GLRA3: variants seen among roughly 807,000 people sequenced by gnomAD.
The protein encoded by GLRA3 is glycine receptor subunit alpha-3.
In GLRA3, 44 loss-of-function variants were observed where a neutral mutation model predicts 60.4. The observed-to-expected ratio is 0.73, with a 90% confidence interval of 0.57 to 0.94. The LOEUF (loss-of-function observed/expected upper bound fraction) is 0.94. GLRA3 is among the 40% of genes least tolerant of loss of function. GLRA3 has a pLI of 0.00. For synonymous variants in GLRA3, 223 were observed against 192.9 expected, an observed-to-expected ratio of 1.16 and a Z score of -1.29; for missense variants, 508 against 564.6, an observed-to-expected ratio of 0.90 and a Z score of 1.02.
chr4:174,820,008 A>T (rs1158439626), intron 1 of GLRA3, among the ~76,000 whole-genome samples: 2 of 152,256 alleles, frequency 1.3e-5, no homozygotes, highest in African/African-American at 4.8e-5. Context: ...TACAACTATT[A>T]TGGTATGAAG....
At chr4:174,825,426 C>T (rs935873467) in intron 1 of GLRA3, among the ~76,000 whole-genome samples, 3 of 152,032 alleles carry the variant, frequency 2.0e-5, no homozygotes, top group African/African-American at 7.2e-5. Context: ...CTGAAATTCA[C>T]ACATTCAAGT....
At chr4:174,775,084 T>C (rs917232541) in intron 2 of GLRA3, among the ~76,000 whole-genome samples, 5 of 152,180 alleles carry the variant, frequency 3.3e-5, no homozygotes, top group African/African-American at 1.2e-4. Flanking sequence ...GGGTTTAGAA[T>C]CTAACCCCAT....
chr4:174,811,854 C>T (rs189581268), intron 1 of GLRA3, among the ~76,000 whole-genome samples: 48 of 152,184 alleles, frequency 3.2e-4, no homozygotes, highest in Non-Finnish European at 6.0e-4. Flanking sequence ...ACCAAAAGGT[C>T]ACTGAGCATG....
chr4:174,711,248 T>C (rs1735707641), intron 5 of GLRA3, among the ~76,000 whole-genome samples: 1 of 151,642 alleles, frequency 6.6e-6, no homozygotes, highest in Non-Finnish European at 1.5e-5. Context: ...AATGTTTCCA[T>C]ATGCTGAAAA....
chr4:174,645,420 CAAAAA>C (rs201216075), intron 9 of GLRA3, among the ~76,000 whole-genome samples: 1 of 76,130 alleles, frequency 1.3e-5, no homozygotes. Flanking sequence ...ACTCCGTCTC[CAAAAA>C]AAAAAAAAAA....
chr4:174,702,546 A>G (rs1735360450), intron 5 of GLRA3, among the ~76,000 whole-genome samples: 2 of 149,048 alleles, frequency 1.3e-5, no homozygotes, highest in African/African-American at 5.0e-5. Flanking sequence ...GGTGAGTTAG[A>G]AAAAAAAAAT....
intron 1 of GLRA3, among the ~76,000 whole-genome samples, chr4:174,823,956 A>G (rs1379501684): frequency 6.6e-6 from 1 of 152,274 alleles, no homozygotes; most frequent in East Asian, 1.9e-4. Flanking sequence ...GTACTTTTCC[A>G]TGTTCTGTTC....
At chr4:174,816,869 T>C (rs1042324597) in intron 1 of GLRA3, among the ~76,000 whole-genome samples, 1 of 152,226 alleles carries the variant, frequency 6.6e-6, no homozygotes, top group African/African-American at 2.4e-5. Context: ...AGCAGGTATA[T>C]ATATTTATGG....
At chr4:174,726,061 G>A (rs771802888) in intron 4 of GLRA3, among the ~76,000 whole-genome samples, 1 of 152,206 alleles carries the variant, frequency 6.6e-6, no homozygotes, top group Non-Finnish European at 1.5e-5. Context: ...CCGCCTTATT[G>A]CTGGATGTCC....
intron 1 of GLRA3, among the ~76,000 whole-genome samples, chr4:174,794,787 T>C (rs1739495979): frequency 6.6e-6 from 1 of 152,116 alleles, no homozygotes; most frequent in Admixed American, 6.5e-5. Flanking sequence ...ATTGGTTCTG[T>C]AAAAATTCTA....
chr4:174,686,540 A>T (rs977943281), intron 5 of GLRA3, among the ~76,000 whole-genome samples: 5 of 152,238 alleles, frequency 3.3e-5, no homozygotes, highest in Non-Finnish European at 1.5e-5. Flanking sequence ...CCAAATAGTT[A>T]CTTATTGAGT....
chr4:174,775,508 T>C (rs533653936), intron 2 of GLRA3, among the ~76,000 whole-genome samples: 5 of 152,152 alleles, frequency 3.3e-5, no homozygotes, highest in East Asian at 3.9e-4. Context: ...AGAGTGGCCA[T>C]TGGAGATAAC....
chr4:174,643,142 G>A lies in GLRA3; in HGVS notation c.*644C>T, dbSNP rs1313702365. The A allele has an allele frequency of 1.2e-5, 10 of 868,802 alleles. No homozygotes were observed. Among genetic ancestry groups the A allele is most frequent in the Non-Finnish European group, 1.4e-5 (10 of 724,606 alleles). The allele number at this position is 868,802 out of a possible 1,614,324, so 53.8% of individuals were successfully genotyped here. A position where few individuals can be genotyped will look rare whatever the true frequency, so the allele number is the denominator to read the frequency against. On this transcript the variant is annotated 3_prime_UTR_variant, in exon 10 of 10. Coordinates refer to ENST00000274093, the MANE Select transcript of GLRA3 (RefSeq NM_006529.4). ...GAAAAGTAGATTGTGACTGTAACAC[G>A]ATCTCTTGTTATTTGTTTTAAATTT... is the stretch of plus-strand genomic sequence containing the variant.
chr4:174,671,070 A>T (rs2110932044), intron 7 of GLRA3, among the ~76,000 whole-genome samples: 1 of 152,190 alleles, frequency 6.6e-6, no homozygotes, highest in African/African-American at 2.4e-5. Context: ...ATGAACATTT[A>T]AAAAATTTAG....
rs549726067 is a variant in GLRA3, at chr4:174,822,142, T to C, written c.71+6599A>G. ...ATATCACAGGTTCTCCTCTCCACAG[T>C]GATACAGTGTTAAAAGTTGGGGTTT... On this transcript the variant is annotated intron_variant, in intron 1 of 9. Coordinates refer to ENST00000274093, the MANE Select transcript of GLRA3 (RefSeq NM_006529.4). Among the ~76,000 whole-genome samples the C allele has an allele frequency of 1.8e-3, 280 of 152,286 alleles. 2 individuals are homozygous for C. Among genetic ancestry groups the C allele is most frequent in the Admixed American group, 7.5e-3 (115 of 15,304 alleles).
chr4:174,785,928 C>A (rs1028675540), intron 2 of GLRA3, among the ~76,000 whole-genome samples: 2 of 147,800 alleles, frequency 1.4e-5, no homozygotes, highest in African/African-American at 2.5e-5. Flanking sequence ...TGCCACCATG[C>A]CTGGCTAGTT....
chr4:174,661,380 A>C (rs1369050506), intron 7 of GLRA3, among the ~76,000 whole-genome samples: 1 of 152,136 alleles, frequency 6.6e-6, no homozygotes, highest in Non-Finnish European at 1.5e-5. Flanking sequence ...TATCCTCAAC[A>C]TGTACTTGAT....
intron 4 of GLRA3, among the ~76,000 whole-genome samples, chr4:174,726,812 G>A (rs1417683674): frequency 7.0e-6 from 1 of 142,314 alleles, no homozygotes; most frequent in Non-Finnish European, 1.5e-5. Context: ...CCCGAAGTGA[G>A]ATTCTTGCTA....
chr4:174,775,008 AAAG>A (rs1209660009), intron 2 of GLRA3, among the ~76,000 whole-genome samples: 1 of 152,220 alleles, frequency 6.6e-6, no homozygotes, highest in Non-Finnish European at 1.5e-5. Flanking sequence ...AAAATACAAA[AAAG>A]AGAAATAATT....
Sources: allele counts gnomAD v4.1 joint callset (sites outside exome capture counted in the v4.1 genomes callset), GRCh38; gene constraint gnomAD v4.1.1; transcripts MANE v1.5; gene names NCBI Gene and HGNC (gene_info 2026-07-23, HGNC 2026-07-21).